NME7: variants seen among roughly 807,000 people sequenced by gnomAD.
The protein encoded by NME7 is NME/NM23 family member 7.
Under a neutral mutation model 49.1 loss-of-function variants are expected in NME7, and 41 were observed. The ratio of observed to expected loss-of-function variants is 0.83; its 90% confidence interval spans 0.65 to 1.08. NME7 has a LOEUF of 1.08. Among genes scored for constraint, NME7 ranks in the 50% least tolerant of loss-of-function variants. The pLI, the probability that NME7 is intolerant of heterozygous loss-of-function variation, is 0.00. For synonymous variants in NME7, 139 were observed against 150.6 expected, an observed-to-expected ratio of 0.92 and a Z score of 0.56; for missense variants, 423 against 463.4, an observed-to-expected ratio of 0.91 and a Z score of 0.80.
At chr1:169,177,321 G>C (rs148528867) in intron 10 of NME7, among the ~76,000 whole-genome samples, 2 of 152,152 alleles carry the variant, frequency 1.3e-5, no homozygotes, top group East Asian at 3.9e-4. Flanking sequence ...CTCCTGCCTA[G>C]AATATTGGGC....
intron 4 of NME7, among the ~76,000 whole-genome samples, chr1:169,304,460 C>T (rs569203263): frequency 1.6e-4 from 24 of 152,178 alleles, no homozygotes; most frequent in African/African-American, 4.3e-4. Flanking sequence ...AGTTATATCA[C>T]GCATACTCTC....
intron 10 of NME7, among the ~76,000 whole-genome samples, chr1:169,174,512 A>G (rs1274148195): frequency 6.6e-6 from 1 of 152,224 alleles, no homozygotes; most frequent in African/African-American, 2.4e-5. Context: ...GCTTAACAAC[A>G]GAGATATAGT....
chr1:169,297,362 G>A (rs549054397), intron 6 of NME7, among the ~76,000 whole-genome samples: 1 of 152,198 alleles, frequency 6.6e-6, no homozygotes, highest in Non-Finnish European at 1.5e-5. Context: ...CCCTAAAATG[G>A]CTCTCTATTT....
At chr1:169,322,841 A>G (rs2101936700) in intron 3 of NME7, among the ~76,000 whole-genome samples, 1 of 152,290 alleles carries the variant, frequency 6.6e-6, no homozygotes, top group South Asian at 2.1e-4. Context: ...ATTGTGATTC[A>G]TTAATTCGTT....
At chr1:169,341,044 C>T (rs1381319319) in intron 1 of NME7, among the ~76,000 whole-genome samples, 1 of 152,150 alleles carries the variant, frequency 6.6e-6, no homozygotes, top group African/African-American at 2.4e-5. Context: ...AAATGAGGAA[C>T]GGAATGTTAA....
chr1:169,148,250 G>C (rs76288029), intron 11 of NME7, among the ~76,000 whole-genome samples: 7,005 of 152,262 alleles, frequency 0.046, 224 homozygotes, highest in East Asian at 0.13. Context: ...TGATTGACCT[G>C]CCTTGGCCTC....
intron 1 of NME7, among the ~76,000 whole-genome samples, chr1:169,336,487 C>G (rs907685066): frequency 2.0e-5 from 3 of 152,144 alleles, no homozygotes; most frequent in Non-Finnish European, 4.4e-5. Context: ...AAAGGTTCTT[C>G]ACGTCCCCAT....
intron 11 of NME7, among the ~76,000 whole-genome samples, chr1:169,147,050 C>T (rs1032173129): frequency 8.5e-5 from 13 of 152,158 alleles, no homozygotes; most frequent in Non-Finnish European, 1.8e-4. Flanking sequence ...TCCAGGGGCA[C>T]GTGACCTTCT....
intron 11 of NME7, among the ~76,000 whole-genome samples, chr1:169,168,660 T>A (rs1017495448): frequency 6.6e-6 from 1 of 152,092 alleles, no homozygotes; most frequent in Non-Finnish European, 1.5e-5. Flanking sequence ...GGGGTACCTA[T>A]CCCCTGCACA....
chr1:169,236,721 CT>C (rs111598142), intron 8 of NME7, among the ~76,000 whole-genome samples: 12 of 145,310 alleles, frequency 8.3e-5, no homozygotes, highest in Non-Finnish European at 1.2e-4. Context: ...AACTATTTCC[CT>C]TTTTTTTTTT....
intron 11 of NME7, among the ~76,000 whole-genome samples, chr1:169,157,957 T>G (rs1371107103): frequency 6.6e-6 from 1 of 152,244 alleles, no homozygotes; most frequent in Non-Finnish European, 1.5e-5. Flanking sequence ...ATATTAGACC[T>G]TTGTGAGATG....
chr1:169,318,759 G>A (rs1421769304), intron 3 of NME7, among the ~76,000 whole-genome samples: 1 of 151,936 alleles, frequency 6.6e-6, no homozygotes. Context: ...AATCCCCTGG[G>A]AGAGTATATA....
intron 7 of NME7, 116 bp downstream of exon 7, chr1:169,287,187 G>A: frequency 1.1e-6 from 1 of 878,036 alleles, no homozygotes; most frequent in Non-Finnish European, 1.8e-6. Context: ...TGCCTTCAAA[G>A]AAAAAAAATG....
intron 7 of NME7, among the ~76,000 whole-genome samples, chr1:169,269,124 GACTA>G (rs1408357161): frequency 1.5e-5 from 2 of 133,108 alleles, no homozygotes; most frequent in East Asian, 4.0e-4. Flanking sequence ...CTTTTGTAGG[GACTA>G]ACAGAACTCT....
chr1:169,272,956 C>A (rs529054479), intron 7 of NME7, among the ~76,000 whole-genome samples: 1 of 133,420 alleles, frequency 7.5e-6, no homozygotes, highest in African/African-American at 2.5e-5. Flanking sequence ...TCACCAGCAA[C>A]GGCTGTTTCT....
chr1:169,230,904 C>A, intron 9 of NME7, 85 bp from the exon 10 acceptor site: 4 of 824,566 alleles, frequency 4.9e-6, no homozygotes, highest in South Asian at 5.6e-5. Flanking sequence ...CCACTAATGT[C>A]CTTAAAGTCA....
At chr1:169,355,145 ATATAC>A (rs1571416553) in intron 1 of NME7, among the ~76,000 whole-genome samples, 4 of 38,668 alleles carry the variant, frequency 1.0e-4, no homozygotes, top group African/African-American at 3.3e-4. Flanking sequence ...ATAATATATA[ATATAC>A]TATATATTAT....
At chr1:169,189,235 C>T (rs1220515658) in intron 10 of NME7, among the ~76,000 whole-genome samples, 1 of 152,040 alleles carries the variant, frequency 6.6e-6, no homozygotes, top group Non-Finnish European at 1.5e-5. Flanking sequence ...GTAGAGTTAA[C>T]TTATACATAT....
intron 10 of NME7, among the ~76,000 whole-genome samples, chr1:169,211,748 A>T (rs1438003805): frequency 6.6e-6 from 1 of 152,178 alleles, no homozygotes; most frequent in Non-Finnish European, 1.5e-5. Context: ...ATCTTCATTT[A>T]AAAAATTTAG....
Sources: gnomAD v4.1 joint callset for allele counts (sites outside exome capture counted in the v4.1 genomes callset) on GRCh38, gnomAD v4.1.1 for gene constraint, MANE v1.5 for transcripts, NCBI Gene and HGNC (gene_info 2026-07-23, HGNC 2026-07-21) for gene names.